PRKCE: variants seen among roughly 807,000 people sequenced by gnomAD.
The protein encoded by PRKCE is protein kinase C epsilon type.
A neutral mutation model predicts 85.4 loss-of-function variants in PRKCE; 16 were observed. That is an observed-to-expected ratio of 0.19 (90% CI 0.13 to 0.28). PRKCE has a LOEUF of 0.28. Among genes scored for constraint, PRKCE ranks in the 10% least tolerant of loss-of-function variants. PRKCE has a pLI of 1.00. For missense variants in PRKCE, 573 were observed against 975.2 expected (o/e 0.59, Z 5.49); for synonymous variants, 388 against 371.5 (o/e 1.04, Z -0.51).
Position 46,041,230 on chromosome 2 carries a change from A to T in PRKCE, c.1437+30713A>T, listed in dbSNP as rs1227025622. ...ACAAATGATTACCCTTGATCTTAAG[A>T]GTACTGGGTATACCCAAGTCCAAAA... On this transcript the variant is annotated intron_variant, in intron 10 of 14. Transcript: ENST00000306156. The surrounding 1 kb of genome is among the most constrained non-coding windows in gnomAD (Gnocchi z 5.5). 6.6e-6 allele frequency among the ~76,000 whole-genome samples: 1 copy of T among 152,246 alleles called. No individual in the cohort carries two copies. The highest frequency in any genetic ancestry group is 2.4e-5 in the African/African-American group (1 of 41,472).
chr2:45,970,545 A>G lies in PRKCE; in HGVS notation c.413-5884A>G, dbSNP rs926740232. On this transcript the variant is annotated intron_variant, in intron 2 of 14. Coordinates refer to ENST00000306156, the MANE Select transcript of PRKCE (RefSeq NM_005400.3). ...ATCATTAAAAAAGATACATTTATGT[A>G]TCTAGAACAGTAAAGGAGACTGTTC... Among the ~76,000 whole-genome samples, 13 of 152,304 alleles carry G rather than the reference A, an allele frequency of 8.5e-5. No individual in the cohort carries two copies. In the East Asian group the frequency reaches 1.2e-3, roughly 14 times the overall value.
chr2:45,972,622 G>T (rs566842336), intron 2 of PRKCE, among the ~76,000 whole-genome samples: 9 of 152,216 alleles, frequency 5.9e-5, no homozygotes, highest in African/African-American at 2.2e-4. Context: ...TTCAATCCAC[G>T]TTTAGTTGAT....
intron 2 of PRKCE, among the ~76,000 whole-genome samples, chr2:45,888,896 T>A (rs1278014581): frequency 6.6e-6 from 1 of 151,514 alleles, no homozygotes; most frequent in African/African-American, 2.4e-5. Context: ...GATGGTGCTC[T>A]GCCCTTCAAG....
intron 2 of PRKCE, among the ~76,000 whole-genome samples, chr2:45,885,439 T>C (rs1373052922): frequency 6.6e-6 from 1 of 152,196 alleles, no homozygotes; most frequent in Non-Finnish European, 1.5e-5. Flanking sequence ...CATTCTCCAG[T>C]GTCCTTGGAG....
chr2:45,670,284 A>G (rs1437779909), intron 1 of PRKCE, among the ~76,000 whole-genome samples: 1 of 152,110 alleles, frequency 6.6e-6, no homozygotes, highest in Non-Finnish European at 1.5e-5. Context: ...TATAGGCTCC[A>G]TTTTTCTTTC....
intron 1 of PRKCE, among the ~76,000 whole-genome samples, chr2:45,762,777 A>G (rs79952833): frequency 0.068 from 10,320 of 152,222 alleles, 382 homozygotes; most frequent in Non-Finnish European, 0.079. Flanking sequence ...AACCTAACGG[A>G]AACCTGATAG....
intron 2 of PRKCE, among the ~76,000 whole-genome samples, chr2:45,850,312 G>T (rs115440837): frequency 0.011 from 1,603 of 152,326 alleles, 33 homozygotes; most frequent in African/African-American, 0.037. Flanking sequence ...TTATTGGAAA[G>T]GTGGATTTCT....
chr2:46,062,535 G>A (rs971308488), intron 10 of PRKCE, among the ~76,000 whole-genome samples: 2 of 152,106 alleles, frequency 1.3e-5, no homozygotes, highest in Non-Finnish European at 2.9e-5. Context: ...AGGAGAGTTC[G>A]ACAGAGTGAT....
At chr2:45,865,818 T>TTCTTC (rs71416115) in intron 2 of PRKCE, among the ~76,000 whole-genome samples, 345 of 83,576 alleles carry the variant, frequency 4.1e-3, no homozygotes, top group Middle Eastern at 0.013. Flanking sequence ...TCTTCTTCTT[T>TTCTTC]TTTTTTTTTT....
chr2:45,917,234 T>G (rs1181914976), intron 2 of PRKCE, among the ~76,000 whole-genome samples: 1 of 152,116 alleles, frequency 6.6e-6, no homozygotes, highest in African/African-American at 2.4e-5. Flanking sequence ...ATACAGAGTG[T>G]CCACACAAAG....
At chr2:46,092,303 A>G (rs939513083) in intron 11 of PRKCE, among the ~76,000 whole-genome samples, 2 of 152,182 alleles carry the variant, frequency 1.3e-5, no homozygotes, top group African/African-American at 4.8e-5. Flanking sequence ...ACCAGCAGAG[A>G]AAGATGTAAG....
chr2:45,701,888 G>A (rs552796992), intron 1 of PRKCE, among the ~76,000 whole-genome samples: 3 of 152,118 alleles, frequency 2.0e-5, no homozygotes, highest in East Asian at 1.9e-4. Flanking sequence ...AGGACTCACC[G>A]TCACAACACA....
chr2:45,869,534 A>G (rs12105761), intron 2 of PRKCE, among the ~76,000 whole-genome samples: 6,024 of 152,160 alleles, frequency 0.04, 413 homozygotes, highest in African/African-American at 0.14. Flanking sequence ...TTTTCCCCTC[A>G]TAGCAACCCT....
chr2:45,935,660 C>T (rs527454278), intron 2 of PRKCE, among the ~76,000 whole-genome samples: 3 of 151,930 alleles, frequency 2.0e-5, no homozygotes, highest in Non-Finnish European at 2.9e-5. Context: ...TGTGACGTGC[C>T]GGTAATCCCA....
intron 1 of PRKCE, among the ~76,000 whole-genome samples, chr2:45,812,158 G>A (rs926353058): frequency 6.6e-6 from 1 of 152,188 alleles, no homozygotes; most frequent in African/African-American, 2.4e-5. Flanking sequence ...TGTGAAACAG[G>A]CTTCACTACA....
chr2:46,158,790 C>T (rs1341419750), intron 13 of PRKCE, among the ~76,000 whole-genome samples: 1 of 152,200 alleles, frequency 6.6e-6, no homozygotes, highest in Non-Finnish European at 1.5e-5. Flanking sequence ...AATATTTCCA[C>T]CTACTGGCAC....
At chr2:45,725,736 C>G (rs973653085) in intron 1 of PRKCE, among the ~76,000 whole-genome samples, 9 of 151,774 alleles carry the variant, frequency 5.9e-5, no homozygotes, top group African/African-American at 2.2e-4. Context: ...GAGGCTGAGG[C>G]AGGATGATCG....
intron 6 of PRKCE, among the ~76,000 whole-genome samples, chr2:45,997,627 A>C (rs1316390989): frequency 6.6e-6 from 1 of 151,518 alleles, no homozygotes; most frequent in African/African-American, 2.4e-5. Flanking sequence ...GCTCACTACA[A>C]CCTCTGCCTC....
chr2:46,112,146 C>G (rs1206010644), intron 11 of PRKCE, among the ~76,000 whole-genome samples: 1 of 152,164 alleles, frequency 6.6e-6, no homozygotes, highest in East Asian at 1.9e-4. Flanking sequence ...ATGTAATGCC[C>G]TCTTTTTGCC....
Sources: allele counts gnomAD v4.1 joint callset (sites outside exome capture counted in the v4.1 genomes callset), GRCh38; gene constraint gnomAD v4.1.1; non-coding constraint Gnocchi (gnomAD v3.1); transcripts MANE v1.5; gene names NCBI Gene and HGNC (gene_info 2026-07-23, HGNC 2026-07-21).